TXNL4A: variants seen among roughly 807,000 people sequenced by gnomAD.
The protein encoded by TXNL4A is thioredoxin-like protein 4A.
In TXNL4A, 17 loss-of-function variants were observed where a neutral mutation model predicts 14.6. The observed-to-expected ratio is 1.16, with a 90% CI of 0.80 to 1.74. The LOEUF (loss-of-function observed/expected upper bound fraction) is 1.74. Among genes scored for constraint, TXNL4A ranks in the 40% most tolerant of loss-of-function variants. TXNL4A has a pLI of 0.00. For synonymous variants in TXNL4A, 83 were observed against 70.6 expected, an observed-to-expected ratio of 1.18 and a Z score of -0.88; for missense variants, 74 against 195.2, an observed-to-expected ratio of 0.38 and a Z score of 3.70.
intron 1 of TXNL4A, among the ~76,000 whole-genome samples, chr18:80,018,767 T>A (rs1008204605): frequency 3.9e-5 from 6 of 152,178 alleles, no homozygotes; most frequent in African/African-American, 1.4e-4. Context: ...AACAAAATGC[T>A]TTTAACAGCA....
At chr18:80,017,097 C>T (rs2051816322) in intron 1 of TXNL4A, among the ~76,000 whole-genome samples, 1 of 148,230 alleles carries the variant, frequency 6.7e-6, no homozygotes, top group African/African-American at 2.5e-5. Context: ...AAGTTGGATT[C>T]CTAGGTATTT....
chr18:79,984,602 T>C (rs567450573), intron 1 of TXNL4A, among the ~76,000 whole-genome samples: 3 of 152,316 alleles, frequency 2.0e-5, no homozygotes, highest in Admixed American at 6.5e-5. Flanking sequence ...GAGTCAATAA[T>C]ATTACTGAGG....
At chr18:79,989,241 A>C (rs1277807510), upstream of TXNL4A, among the ~76,000 whole-genome samples, 1 of 152,022 alleles carries the variant, frequency 6.6e-6, no homozygotes, top group Non-Finnish European at 1.5e-5. Context: ...CCGCCTCCCC[A>C]TAAGCTGGGA....
Position 79,977,627 on chromosome 18 carries a change from G to C in TXNL4A, c.228C>G (p.Tyr76Ter). ...VPDFNKMYEL[Y>*]DPCTVMFFFR... is the part of the protein sequence containing the mutation. ...AGAAAAACATGACAGTACATGGATC[G>C]TATAACTCATACATTTTGTTGAAGT... Residue 76 changes from tyrosine (Y) to a stop codon, truncating the protein, a stop_gained, in exon 2 of 3, where the codon TAC (tyrosine) becomes TAG (stop). Transcript: ENST00000269601. LOFTEE classifies it high-confidence loss of function. 1 of 1,610,622 alleles carries C rather than the reference G, an allele frequency of 6.2e-7. No homozygotes were observed. The highest frequency in any genetic ancestry group is 8.5e-7 in the Non-Finnish European group (1 of 1,178,900).
At chr18:80,008,011 C>T (rs116179407) in intron 1 of TXNL4A, among the ~76,000 whole-genome samples, 3,039 of 152,100 alleles carry the variant, frequency 0.02, 86 homozygotes, top group African/African-American at 0.066. Context: ...ATCAGCCAGG[C>T]GTGGCAGCGC....
intron 1 of TXNL4A, among the ~76,000 whole-genome samples, chr18:80,028,869 A>C (rs1018099849): frequency 2.0e-5 from 3 of 152,236 alleles, no homozygotes; most frequent in African/African-American, 7.2e-5. Context: ...GAGCTGTTAG[A>C]AGCTATTCTA....
At chr18:79,974,493 T>C (rs747994093) in intron 2 of TXNL4A, among the ~76,000 whole-genome samples, 1 of 152,234 alleles carries the variant, frequency 6.6e-6, no homozygotes, top group Non-Finnish European at 1.5e-5. Flanking sequence ...CATAAATTTA[T>C]CCTGGTTTGT....
intron 1 of TXNL4A, among the ~76,000 whole-genome samples, chr18:79,987,995 GA>G (rs2051579422): frequency 6.6e-6 from 1 of 152,268 alleles, no homozygotes; most frequent in Admixed American, 6.5e-5. Flanking sequence ...ATTCATTTGA[GA>G]GGAGGGGGAT....
intron 1 of TXNL4A, among the ~76,000 whole-genome samples, chr18:79,998,560 T>C (rs984628958): frequency 4.3e-4 from 64 of 149,680 alleles, no homozygotes; most frequent in African/African-American, 1.4e-3. Context: ...CAGAGGCCTA[T>C]AGGCTATTTT....
intron 1 of TXNL4A, among the ~76,000 whole-genome samples, chr18:80,023,594 T>C (rs1409381097): frequency 2.6e-5 from 4 of 152,166 alleles, no homozygotes; most frequent in African/African-American, 9.7e-5. Context: ...GCTGAACTTT[T>C]ATATGAAAGA....
At chr18:79,978,741 G>C (rs1327544039) in intron 1 of TXNL4A, among the ~76,000 whole-genome samples, 2 of 151,984 alleles carry the variant, frequency 1.3e-5, no homozygotes, top group Non-Finnish European at 2.9e-5. Flanking sequence ...TGATACGCCT[G>C]CCTTGGCCTC....
At position 79,988,414 on chromosome 18, in the gene TXNL4A, C is replaced by T. The variant is rs368623394; in HGVS notation, c.-22G>A. ...ACATGGCGGCCCGCGCGCTCGCCGCCGCCCAAGGCGGGGCGCCAGGGAGGG... is the reference window on the plus strand; with the variant it reads ...ACATGGCGGCCCGCGCGCTCGCCGCTGCCCAAGGCGGGGCGCCAGGGAGGG... On this transcript the variant is annotated 5_prime_UTR_variant, in exon 1 of 3. Transcript: ENST00000269601. 1.4e-6 allele frequency: 2 copies of T among 1,413,564 alleles called. No individual in the cohort carries two copies. The highest frequency in any genetic ancestry group is 1.5e-5 in the African/African-American group (1 of 68,050). The allele number at this position is 1,413,564 out of a possible 1,614,324, so 87.6% of individuals were successfully genotyped here. A position where few individuals can be genotyped will look rare whatever the true frequency, so the allele number is the denominator to read the frequency against.
At chr18:80,006,648 CA>C (rs1236229530) in intron 1 of TXNL4A, among the ~76,000 whole-genome samples, 1 of 152,114 alleles carries the variant, frequency 6.6e-6, no homozygotes, top group Non-Finnish European at 1.5e-5. Flanking sequence ...TGCCTCATGT[CA>C]AGGAAATTGA....
At chr18:80,006,602 C>T (rs1025790502) in intron 1 of TXNL4A, among the ~76,000 whole-genome samples, 13 of 152,062 alleles carry the variant, frequency 8.5e-5, no homozygotes, top group African/African-American at 1.4e-4. Flanking sequence ...GGAATTGAAG[C>T]GGTGTCATTT....
intron 2 of TXNL4A, among the ~76,000 whole-genome samples, chr18:79,974,278 G>A (rs2051345958): frequency 6.6e-6 from 1 of 152,204 alleles, no homozygotes; most frequent in Non-Finnish European, 1.5e-5. Context: ...TAAAAGCAAT[G>A]TGTAAGTTTT....
intron 1 of TXNL4A, among the ~76,000 whole-genome samples, chr18:79,979,916 T>G (rs1000268736): frequency 1.3e-5 from 2 of 152,202 alleles, no homozygotes; most frequent in Non-Finnish European, 2.9e-5. Context: ...GCCACTTACA[T>G]GTGTTATGAG....
intron 1 of TXNL4A, among the ~76,000 whole-genome samples, chr18:80,032,568 G>A (rs983453848): frequency 2.0e-5 from 3 of 152,130 alleles, no homozygotes; most frequent in African/African-American, 7.2e-5. Context: ...GGCCAGGCGC[G>A]GTGGCTCACG....
At chr18:80,029,352 C>G (rs1292407569) in intron 1 of TXNL4A, among the ~76,000 whole-genome samples, 3 of 152,146 alleles carry the variant, frequency 2.0e-5, no homozygotes, top group African/African-American at 7.2e-5. Context: ...TCCAGCTGGA[C>G]CTTTTGAGGT....
chr18:80,033,233 CCACACACATG>C (rs920186870), intron 1 of TXNL4A, among the ~76,000 whole-genome samples: 1 of 152,088 alleles, frequency 6.6e-6, no homozygotes, highest in Non-Finnish European at 1.5e-5. Flanking sequence ...ATATACATGT[CCACACACATG>C]CACACACACG....
Sources: allele counts gnomAD v4.1 joint callset (sites outside exome capture counted in the v4.1 genomes callset), GRCh38; gene constraint gnomAD v4.1.1; transcripts MANE v1.5; gene names NCBI Gene and HGNC (gene_info 2026-07-23, HGNC 2026-07-21).